TEP1: variants seen among roughly 807,000 people sequenced by gnomAD.
TEP1 encodes telomerase associated protein 1, also known as telomerase protein component 1.
In TEP1, 241 loss-of-function variants were observed where a neutral mutation model predicts 306.3. The ratio of observed to expected loss-of-function variants is 0.79; its 90% confidence interval spans 0.71 to 0.88. The LOEUF (loss-of-function observed/expected upper bound fraction) is 0.88, where lower values mean the gene tolerates loss of function less well. Among genes scored for constraint, TEP1 ranks in the 40% least tolerant of loss-of-function variants. The pLI is 0.00. For synonymous variants in TEP1, 1,289 were observed against 1,305.5 expected, an observed-to-expected ratio of 0.99 and a Z score of 0.27; for missense variants, 3,051 against 3,276.1, an observed-to-expected ratio of 0.93 and a Z score of 1.68.
chr14:20,381,040 C>G lies in TEP1; in HGVS notation c.4653G>C (p.Gln1551His). 1 of 1,613,852 alleles carries G rather than the reference C, an allele frequency of 6.2e-7. No individual in the cohort carries two copies. The highest frequency in any genetic ancestry group is 1.7e-5 in the Admixed American group (1 of 60,004). Reference sequence around the variant, plus strand: ...TCGAAAGAAGTCCACGGTTCCCGCTCTGGAGCTGAGAAGGTCAGATTGAAT... The same window carrying G: ...TCGAAAGAAGTCCACGGTTCCCGCTGTGGAGCTGAGAAGGTCAGATTGAAT... ...ALGDLPYHLL[Q>H]SGNRGLLSKF... The change falls in exon 33 of 55, where the codon CAG becomes CAC. Residue 1551 changes from glutamine to histidine, a missense_variant. By Grantham distance (24) the Gln-to-His change is conservative. Coordinates refer to ENST00000262715, the MANE Select transcript of TEP1 (RefSeq NM_007110.5). The surrounding 1 kb of genome is among the most constrained non-coding windows in gnomAD (Gnocchi z 4.0).
At chr14:20,396,009 G>A (rs978078886) in intron 10 of TEP1, 60 bp from the exon 11 acceptor site, 33 of 1,318,208 alleles carry the variant, frequency 2.5e-5, no homozygotes, top group Admixed American at 7.0e-5. Flanking sequence ...GGGGGCTTCA[G>A]GGGTCCACTC....
At chr14:20,394,467 C>A (rs1220707119) in intron 12 of TEP1, among the ~76,000 whole-genome samples, 1 of 145,694 alleles carries the variant, frequency 6.9e-6, no homozygotes, top group African/African-American at 2.5e-5. Flanking sequence ...TGGACTGGCC[C>A]CTTGGGCTTT....
In TEP1 at chr14:20,373,813, G is replaced by A. The variant is rs1885009998; in HGVS notation, c.6472-3C>T. The A allele has an allele frequency of 6.2e-7, 1 of 1,612,276 alleles. No individual in the cohort carries two copies. The highest frequency in any genetic ancestry group is 1.3e-5 in the African/African-American group (1 of 74,866). On this transcript the variant is annotated splice_polypyrimidine_tract_variant and splice_region_variant and intron_variant, in intron 44 of 54. Coordinates refer to ENST00000262715, the MANE Select transcript of TEP1 (RefSeq NM_007110.5). ...CTCACAGACACCACGTGCTCCTCCTGCCCACAGAGCACAAGATCAGAGCAG... is the reference window on the plus strand; with the variant it reads ...CTCACAGACACCACGTGCTCCTCCTACCCACAGAGCACAAGATCAGAGCAG...
chr14:20,375,898 C>T, intron 42 of TEP1, 30 bp from the exon 43 acceptor site: 1 of 1,576,830 alleles, frequency 6.3e-7, no homozygotes, highest in Non-Finnish European at 8.7e-7. Context: ...AGGGAGCAAT[C>T]AGGACCAAAG....
At chr14:20,384,300 C>T in intron 23 of TEP1, 68 bp from the exon 24 acceptor site, 1 of 1,608,244 alleles carries the variant, frequency 6.2e-7, no homozygotes, top group South Asian at 1.1e-5. Flanking sequence ...CTAAAACTCA[C>T]AGAGCCCCCG....
At position 20,401,061 on chromosome 14, in the gene TEP1, T is replaced by C; in HGVS notation, c.1472A>G (p.Lys491Arg). Residue 491 changes from lysine (K) to arginine (R), a missense_variant, in exon 9 of 55, where the codon AAG (lysine) becomes AGG (arginine). Lys to Arg is a conservative substitution (Grantham distance 26). Transcript: ENST00000262715. ...WDSSRAGKRM[K>R]LSRPETWERE... is the part of the protein sequence containing the mutation. ...CTCCCAGGTCTCTGGCCTAGACAGC[T>C]TCATCCTCTTCCCAGCTCTGCTAGA... 1 of 1,614,204 alleles carries C rather than the reference T, an allele frequency of 6.2e-7. No individual in the cohort carries two copies. Among genetic ancestry groups the C allele is most frequent in the Non-Finnish European group, 8.5e-7 (1 of 1,180,038 alleles).
chr14:20,390,953 G>A lies in TEP1; in HGVS notation c.2241C>T (p.Leu747=). The change falls in exon 14 of 55, where the codon CTC becomes CTT. Residue 747 remains leucine (L), a synonymous_variant. Transcript: ENST00000262715. ...EEGILKTAIK[L]QAQVQEFDEN... is the part of the protein sequence containing the mutation. The stretch of plus-strand genomic sequence containing the variant: ...AGTGTCTGACCTGGACTTGAGCCTG[G>A]AGCTTGATGGCAGTCTTCAGGATGC... 6.2e-7 allele frequency: 1 copy of A among 1,614,080 alleles called. No homozygotes were observed. Among genetic ancestry groups the A allele is most frequent in the Non-Finnish European group, 8.5e-7 (1 of 1,179,990 alleles).
At position 20,382,696 on chromosome 14, in the gene TEP1, T is replaced by C; in HGVS notation, c.4067A>G (p.Lys1356Arg). The C allele has an allele frequency of 6.2e-7, 1 of 1,614,016 alleles. No individual in the cohort carries two copies. The highest frequency in any genetic ancestry group is 8.5e-7 in the Non-Finnish European group (1 of 1,179,984). Residue 1356 changes from lysine (K) to arginine (R), a missense_variant, in exon 28 of 55, where the codon AAG becomes AGG. Coordinates refer to ENST00000262715, the MANE Select transcript of TEP1 (RefSeq NM_007110.5). ...FNNQMRLLLV[K>R]RESGRPLYLR... is the part of the protein sequence containing the mutation. ...GTAGAGCGGCCGGCCTGATTCCCGC[T>C]TCACCAGCAGCAGTCGCATCTGGCA...
At position 20,384,567 on chromosome 14, in the gene TEP1, C is replaced by G. The variant is rs28404466; in HGVS notation, c.3221+33G>C. On this transcript the variant is annotated intron_variant, in intron 22 of 54. Coordinates refer to ENST00000262715, the MANE Select transcript of TEP1 (RefSeq NM_007110.5). ...AGGCCCGGCTCCTCTCACCACATCT[C>G]TGTACAGGTGCTCCCTACCTCCCTC... 2,314 of 1,613,788 alleles carry G rather than the reference C, an allele frequency of 1.4e-3. 35 individuals are homozygous for G. In the African/African-American group the frequency reaches 0.027, roughly 19 times the overall value.
intron 7 of TEP1, among the ~76,000 whole-genome samples, chr14:20,402,513 T>C (rs1878836255): frequency 6.6e-6 from 1 of 152,252 alleles, no homozygotes; most frequent in South Asian, 2.1e-4. Flanking sequence ...AACACTTATT[T>C]ACTTCCAGGA....
intron 11 of TEP1, 44 bp downstream of exon 11, chr14:20,395,815 C>A: frequency 6.3e-7 from 1 of 1,581,712 alleles, no homozygotes; most frequent in South Asian, 1.1e-5. Context: ...CATTTATTGT[C>A]AGATGTGGGA....
chr14:20,372,726 G>T lies in TEP1; in HGVS notation c.7076+7C>A, dbSNP rs199881890. ...TTCTATCCCATTAACCCATCAGCCTGTTTCACCTCAAATTTCCGGGTGCCG... is the reference window on the plus strand; with the variant it reads ...TTCTATCCCATTAACCCATCAGCCTTTTTCACCTCAAATTTCCGGGTGCCG... On this transcript the variant is annotated splice_region_variant and intron_variant, in intron 49 of 54. Transcript: ENST00000262715. The T allele has an allele frequency of 6.9e-5, 111 of 1,614,068 alleles. 1 individual carries two copies. In the East Asian group the frequency reaches 2.3e-3, roughly 33 times the overall value.
intron 49 of TEP1, among the ~76,000 whole-genome samples, chr14:20,372,380 ATGTGTGTGTG>A (rs59329010): frequency 3.6e-5 from 5 of 139,556 alleles, no homozygotes; most frequent in African/African-American, 5.3e-5. Context: ...GTGTGTGTGT[ATGTGTGTGTG>A]TGTGTGTGTG....
intron 43 of TEP1, 145 bp from the exon 44 acceptor site, chr14:20,374,681 A>C: frequency 1.7e-6 from 1 of 592,416 alleles, no homozygotes; most frequent in Non-Finnish European, 3.0e-6. Context: ...GTCACTCATT[A>C]CTTTCTGCTT....
chr14:20,368,667 C>A, intron 54 of TEP1, 108 bp from the exon 55 acceptor site: 1 of 1,548,768 alleles, frequency 6.5e-7, no homozygotes, highest in Non-Finnish European at 8.8e-7. Flanking sequence ...TCATACATTG[C>A]AAGTGATTGA....
Position 20,383,497 on chromosome 14 carries a change from C to G in TEP1, c.3858G>C (p.Lys1286Asn). Reference protein sequence around the residue: ...GQLISDWIPKKLPRCVHLVLS... With the variant: ...GQLISDWIPKNLPRCVHLVLS... The stretch of plus-strand genomic sequence containing the variant: ...TCCTTCTCACACTCACCCGGGGAAG[C>G]TTCTTTGGGATCCAGTCTGAAATCA... The change falls in exon 26 of 55, where the codon AAG becomes AAC. Residue 1286 changes from lysine (K) to asparagine (N), a missense_variant. Physicochemically the swap from Lys to Asn is moderately conservative, Grantham distance 94. Around this residue, in one of 3 missense-constraint regions of TEP1, gnomAD observed 1,540 missense variants for 1,705.9 expected, o/e 0.90. Transcript: ENST00000262715. The G allele has an allele frequency of 6.2e-7, 1 of 1,614,200 alleles. No individual in the cohort carries two copies. Among genetic ancestry groups the G allele is most frequent in the Non-Finnish European group, 8.5e-7 (1 of 1,180,006 alleles).
chr14:20,372,598 G>A (rs1488985030), intron 49 of TEP1, 135 bp downstream of exon 49: 1 of 1,360,860 alleles, frequency 7.3e-7, no homozygotes, highest in East Asian at 2.3e-5. Context: ...ATGGACAGAA[G>A]CAGAAAATAA....
chr14:20,386,351 C>A (rs1877146094), intron 19 of TEP1, 96 bp downstream of exon 19: 1 of 1,575,738 alleles, frequency 6.3e-7, no homozygotes, highest in Admixed American at 1.9e-5. Flanking sequence ...CGCCTTCACC[C>A]TCATCCATTC....
intron 27 of TEP1, 25 bp from the exon 28 acceptor site, chr14:20,382,740 G>A: frequency 1.2e-6 from 2 of 1,612,234 alleles, no homozygotes; most frequent in African/African-American, 2.7e-5. Context: ...GACTCAGGGT[G>A]GGGTCCAGGA....
Sources: allele counts gnomAD v4.1 joint callset (sites outside exome capture counted in the v4.1 genomes callset), GRCh38; gene constraint gnomAD v4.1.1; regional missense constraint gnomAD v4.1.1; non-coding constraint Gnocchi (gnomAD v3.1); transcripts MANE v1.5; gene names NCBI Gene and HGNC (gene_info 2026-07-23, HGNC 2026-07-21).